The following DRC8 variants were observed in gnomAD, a reference collection of about 807,000 sequenced individuals.
DRC8 encodes the protein dynein regulatory complex protein 8.
chr1:244,976,619 C>G, the DRC8 span, among the ~76,000 whole-genome samples: 2,811 of 152,248 alleles, frequency 0.018, 81 homozygotes, highest in African/African-American at 0.064. Flanking sequence ...AGGCTATTAT[C>G]ACCAGAAGTC....
chr1:244,983,521 C>T, the DRC8 span, among the ~76,000 whole-genome samples: 1 of 152,034 alleles, frequency 6.6e-6, no homozygotes, highest in Non-Finnish European at 1.5e-5. Context: ...GGGCGGACCA[C>T]TTGAGGTCAG....
chr1:245,046,118 C>T, the DRC8 span, among the ~76,000 whole-genome samples: 6 of 151,312 alleles, frequency 4.0e-5, no homozygotes, highest in African/African-American at 7.4e-5. Context: ...AATAGGTTAA[C>T]CAACCTTAAT....
chr1:245,035,866 C>CAAAAAA, the DRC8 span, among the ~76,000 whole-genome samples: 1 of 109,968 alleles, frequency 9.1e-6, no homozygotes, highest in African/African-American at 3.3e-5. Context: ...GACTCTGTCT[C>CAAAAAA]AAAAAAAAAA....
the DRC8 span, chr1:245,023,237 A>G: frequency 6.6e-6 from 1 of 152,170 alleles, no homozygotes; most frequent in African/African-American, 2.4e-5. Flanking sequence ...ATAATATTCC[A>G]TTGTATTTAT....
chr1:245,059,933 C>A, the DRC8 span, among the ~76,000 whole-genome samples: 3 of 152,160 alleles, frequency 2.0e-5, no homozygotes, highest in African/African-American at 7.2e-5. Context: ...GGTGAATGAT[C>A]CCATAAGGCA....
the DRC8 span, among the ~76,000 whole-genome samples, chr1:245,098,648 C>T: frequency 0.017 from 2,582 of 152,256 alleles, 65 homozygotes; most frequent in African/African-American, 0.051. Context: ...CCAGTGGTAG[C>T]GCCGCGTTTT....
the DRC8 span, among the ~76,000 whole-genome samples, chr1:245,074,168 C>G: frequency 6.6e-6 from 1 of 152,140 alleles, no homozygotes; most frequent in South Asian, 2.1e-4. Flanking sequence ...ACTTTTTGTT[C>G]ATCAGTATAT....
chr1:245,016,897 A>G, the DRC8 span, among the ~76,000 whole-genome samples: 30 of 152,208 alleles, frequency 2.0e-4, no homozygotes, highest in Non-Finnish European at 2.2e-4. Flanking sequence ...GACTCTACCC[A>G]AAGGACTTGA....
chr1:244,978,238 A>T, the DRC8 span, among the ~76,000 whole-genome samples: 1 of 152,298 alleles, frequency 6.6e-6, no homozygotes, highest in African/African-American at 2.4e-5. Context: ...TCACGCCTGT[A>T]ATCTCAGCAC....
the DRC8 span, among the ~76,000 whole-genome samples, chr1:245,064,857 T>C: frequency 0.95 from 144,527 of 151,954 alleles, 69,147 homozygotes; most frequent in East Asian, 1. Context: ...TCTGGACAGT[T>C]TTTTTTCCCC....
chr1:244,983,347 A>G, the DRC8 span, among the ~76,000 whole-genome samples: 142 of 152,336 alleles, frequency 9.3e-4, 1 homozygote, highest in African/African-American at 3.3e-3. Context: ...ACTTACTATT[A>G]GAAACATTTT....
the DRC8 span, chr1:245,017,338 T>TA: frequency 1.8e-6 from 1 of 561,220 alleles, no homozygotes. Context: ...TGTGGAAATA[T>TA]TTTTTTTTTT....
the DRC8 span, among the ~76,000 whole-genome samples, chr1:245,070,256 G>A: frequency 5.9e-5 from 9 of 151,930 alleles, no homozygotes; most frequent in African/African-American, 1.2e-4. Flanking sequence ...GAGTGCAATC[G>A]CTTCCTAATA....
the DRC8 span, among the ~76,000 whole-genome samples, chr1:245,057,048 C>T: frequency 4.6e-5 from 7 of 151,924 alleles, no homozygotes; most frequent in Admixed American, 2.0e-4. Context: ...AAGTGATGTA[C>T]GGAAAATGGA....
chr1:245,058,335 T>C, the DRC8 span, among the ~76,000 whole-genome samples: 1 of 152,276 alleles, frequency 6.6e-6, no homozygotes, highest in African/African-American at 2.4e-5. Context: ...ATGAGGATAG[T>C]ACATGTTTTG....
the DRC8 span, among the ~76,000 whole-genome samples, chr1:244,990,607 GGCT>G: frequency 6.6e-6 from 1 of 152,080 alleles, no homozygotes; most frequent in Admixed American, 6.6e-5. Flanking sequence ...TCTTTTCGCT[GGCT>G]CCTATGTCAC....
chr1:245,045,340 C>T, the DRC8 span, among the ~76,000 whole-genome samples: 2 of 152,168 alleles, frequency 1.3e-5, no homozygotes, highest in African/African-American at 4.8e-5. Context: ...GCAAGTTGTC[C>T]AGGTTCTTGG....
chr1:245,106,441 A>G, the DRC8 span, among the ~76,000 whole-genome samples: 1 of 152,154 alleles, frequency 6.6e-6, no homozygotes, highest in Non-Finnish European at 1.5e-5. Context: ...ATAATTCTGA[A>G]TATAACTCTT....
the DRC8 span, among the ~76,000 whole-genome samples, chr1:245,105,645 AC>A: frequency 1.3e-5 from 2 of 151,772 alleles, no homozygotes; most frequent in African/African-American, 4.8e-5. Context: ...AAAACAAAAA[AC>A]AAAAACAAAA....
Sources: gnomAD v4.1 joint callset for allele counts (sites outside exome capture counted in the v4.1 genomes callset) on GRCh38, gnomAD v4.1.1 for gene constraint, MANE v1.5 for transcripts, NCBI Gene and HGNC (gene_info 2026-07-23, HGNC 2026-07-21) for gene names.